The following NEGR1 variants were observed in gnomAD, a reference collection of about 807,000 sequenced individuals.
NEGR1 encodes the protein IgLON family member 4.
A neutral mutation model predicts 40.9 loss-of-function variants in NEGR1; 10 were observed. The ratio of observed to expected loss-of-function variants is 0.24; its 90% confidence interval spans 0.15 to 0.42. The LOEUF (loss-of-function observed/expected upper bound fraction) is 0.42. Among genes scored for constraint, NEGR1 ranks in the 10% least tolerant of loss-of-function variants. The pLI is 1.00. For synonymous variants in NEGR1, 185 were observed against 166.8 expected, an observed-to-expected ratio of 1.11 and a Z score of -0.84; for missense variants, 352 against 438.9, an observed-to-expected ratio of 0.80 and a Z score of 1.77.
chr1:72,120,395 T>C (rs961638599), intron 1 of NEGR1, among the ~76,000 whole-genome samples: 5 of 151,986 alleles, frequency 3.3e-5, no homozygotes, highest in African/African-American at 1.2e-4. Flanking sequence ...ACTGCAATGG[T>C]ACCATGTATT....
intron 3 of NEGR1, among the ~76,000 whole-genome samples, chr1:71,701,270 GT>G (rs1397754792): frequency 3.3e-5 from 5 of 151,880 alleles, no homozygotes; most frequent in African/African-American, 1.2e-4. Flanking sequence ...CTGTTTCTTT[GT>G]TTTTCAGGTT....
chr1:72,254,533 T>A (rs1389911288), intron 1 of NEGR1, among the ~76,000 whole-genome samples: 1 of 151,878 alleles, frequency 6.6e-6, no homozygotes, highest in Non-Finnish European at 1.5e-5. Flanking sequence ...AAACCCCATC[T>A]CTACTAAAAA....
chr1:72,150,731 T>A (rs1463302285), intron 1 of NEGR1, among the ~76,000 whole-genome samples: 2 of 152,116 alleles, frequency 1.3e-5, no homozygotes, highest in African/African-American at 4.8e-5. Flanking sequence ...AATTTTAGGT[T>A]TTTAAAATAT....
chr1:72,248,574 A>ATTTATT (rs1553153656), intron 1 of NEGR1, among the ~76,000 whole-genome samples: 1 of 81,642 alleles, frequency 1.2e-5, no homozygotes, highest in Non-Finnish European at 2.8e-5. Flanking sequence ...TTCTATTTTT[A>ATTTATT]TTTATTATTA....
chr1:71,635,648 CA>C (rs1225419615), intron 4 of NEGR1, among the ~76,000 whole-genome samples: 2 of 152,086 alleles, frequency 1.3e-5, no homozygotes, highest in African/African-American at 4.8e-5. Context: ...TTAATAATAG[CA>C]GCTGTCTGGT....
intron 1 of NEGR1, among the ~76,000 whole-genome samples, chr1:72,007,449 C>A (rs549501792): frequency 4.4e-4 from 67 of 151,722 alleles, no homozygotes; most frequent in African/African-American, 1.6e-3. Flanking sequence ...CTGGGTCAAG[C>A]TCAGTGTGAG....
intron 1 of NEGR1, among the ~76,000 whole-genome samples, chr1:72,223,555 C>G (rs1194285): frequency 0.024 from 3,726 of 152,226 alleles, 77 homozygotes; most frequent in African/African-American, 0.041. Flanking sequence ...TATAATTCCA[C>G]TAGTCAAGAG....
At chr1:71,434,181 T>A (rs1324090790) in intron 6 of NEGR1, among the ~76,000 whole-genome samples, 1 of 152,110 alleles carries the variant, frequency 6.6e-6, no homozygotes, top group Non-Finnish European at 1.5e-5. Context: ...CCTAGAAATA[T>A]CAAACAAATT....
At chr1:71,408,607 A>G (rs1646295178) in intron 6 of NEGR1, 1 of 151,954 alleles carries the variant, frequency 6.6e-6, no homozygotes, top group Admixed American at 6.6e-5. Flanking sequence ...TGTGTTCCAG[A>G]AATTAAATGT....
At chr1:72,041,734 A>C (rs1646956278) in intron 1 of NEGR1, among the ~76,000 whole-genome samples, 1 of 144,022 alleles carries the variant, frequency 6.9e-6, no homozygotes, top group African/African-American at 2.6e-5. Flanking sequence ...ATACACACAC[A>C]TATATATATA....
intron 1 of NEGR1, among the ~76,000 whole-genome samples, chr1:71,950,372 AGAG>A (rs1168656637): frequency 6.6e-6 from 1 of 152,104 alleles, no homozygotes; most frequent in Non-Finnish European, 1.5e-5. Context: ...ATTATAAATT[AGAG>A]AAGAAGGAAA....
chr1:72,147,767 T>C (rs1422750838), intron 1 of NEGR1, among the ~76,000 whole-genome samples: 1 of 152,016 alleles, frequency 6.6e-6, no homozygotes, highest in Non-Finnish European at 1.5e-5. Context: ...CAGTTCCAAA[T>C]GGGAGAAATT....
At chr1:71,417,645 A>G (rs1212069491) in intron 6 of NEGR1, among the ~76,000 whole-genome samples, 1 of 152,216 alleles carries the variant, frequency 6.6e-6, no homozygotes, top group Non-Finnish European at 1.5e-5. Context: ...ACAATCAAGC[A>G]TACGAGGTAT....
At chr1:72,134,644 C>CTT (rs57127142) in intron 1 of NEGR1, among the ~76,000 whole-genome samples, 13 of 146,476 alleles carry the variant, frequency 8.9e-5, no homozygotes, top group African/African-American at 3.3e-4. Context: ...TAGAGGTTTC[C>CTT]TTTTTTTTTT....
chr1:71,920,948 T>C (rs1557434365), intron 2 of NEGR1, among the ~76,000 whole-genome samples: 2 of 152,184 alleles, frequency 1.3e-5, no homozygotes, highest in Non-Finnish European at 2.9e-5. Context: ...TATTTGTAGC[T>C]CTAATATTCA....
intron 1 of NEGR1, among the ~76,000 whole-genome samples, chr1:72,273,736 G>A (rs1294877311): frequency 6.6e-6 from 1 of 151,536 alleles, no homozygotes; most frequent in Non-Finnish European, 1.5e-5. Flanking sequence ...ACTGTGTCCT[G>A]TAATTTAAAT....
chr1:72,278,690 C>A (rs1245467946), intron 1 of NEGR1, among the ~76,000 whole-genome samples: 2 of 151,816 alleles, frequency 1.3e-5, no homozygotes. Flanking sequence ...ACTAGATCAG[C>A]CCATGACACA....
chr1:71,525,178 G>C (rs543984998), intron 6 of NEGR1, among the ~76,000 whole-genome samples: 2 of 151,748 alleles, frequency 1.3e-5, no homozygotes, highest in South Asian at 2.1e-4. Context: ...TTTCCTAAGT[G>C]CAAGGCACAA....
chr1:71,869,711 G>C (rs1220113782), intron 2 of NEGR1, among the ~76,000 whole-genome samples: 1 of 151,992 alleles, frequency 6.6e-6, no homozygotes, highest in African/African-American at 2.4e-5. Flanking sequence ...ATATATTCAA[G>C]TCAAAAGAAA....
Sources: gnomAD v4.1 joint callset for allele counts (sites outside exome capture counted in the v4.1 genomes callset) on GRCh38, gnomAD v4.1.1 for gene constraint, MANE v1.5 for transcripts, NCBI Gene and HGNC (gene_info 2026-07-23, HGNC 2026-07-21) for gene names.